LIPI: variants seen among roughly 807,000 people sequenced by gnomAD.
The protein encoded by LIPI is lipase member I.
A neutral mutation model predicts 50.6 loss-of-function variants in LIPI; 59 were observed. The observed-to-expected ratio is 1.16, with a 90% CI of 0.94 to 1.45. The LOEUF (loss-of-function observed/expected upper bound fraction) is 1.45. LIPI is among the 40% of genes most tolerant of loss of function. The pLI, the probability that LIPI is intolerant of heterozygous loss-of-function variation, is 0.00. For synonymous variants in LIPI, 203 were observed against 178.2 expected, an observed-to-expected ratio of 1.14 and a Z score of -1.11; for missense variants, 586 against 536.3, an observed-to-expected ratio of 1.09 and a Z score of -0.92.
chr21:14,124,893 G>A (rs2016997883), intron 9 of LIPI, among the ~76,000 whole-genome samples: 2 of 152,240 alleles, frequency 1.3e-5, no homozygotes, highest in South Asian at 4.2e-4. Context: ...TACTCAGGAC[G>A]CTGAGGCAGG....
At chr21:14,195,218 G>A (rs2019803784) in intron 1 of LIPI, among the ~76,000 whole-genome samples, 1 of 152,114 alleles carries the variant, frequency 6.6e-6, no homozygotes, top group Non-Finnish European at 1.5e-5. Context: ...AATCTGCATA[G>A]GGGTCTCTTA....
At chr21:14,186,293 T>C (rs2019454405) in intron 2 of LIPI, among the ~76,000 whole-genome samples, 2 of 152,206 alleles carry the variant, frequency 1.3e-5, no homozygotes, top group Non-Finnish European at 2.9e-5. Flanking sequence ...CAATTTATTT[T>C]AAAATTGTAT....
At chr21:14,138,013 T>C (rs2017567038) in intron 9 of LIPI, among the ~76,000 whole-genome samples, 1 of 152,108 alleles carries the variant, frequency 6.6e-6, no homozygotes, top group Non-Finnish European at 1.5e-5. Flanking sequence ...CCAGGGAAAG[T>C]ATTTTTCAAG....
chr21:14,161,912 A>G (rs1600879547), intron 7 of LIPI, among the ~76,000 whole-genome samples: 1 of 136,964 alleles, frequency 7.3e-6, no homozygotes, highest in East Asian at 2.2e-4. Context: ...TATATAACAT[A>G]TAGATATATG....
intron 9 of LIPI, among the ~76,000 whole-genome samples, chr21:14,123,301 T>C (rs987572421): frequency 2.6e-5 from 4 of 152,188 alleles, no homozygotes; most frequent in Non-Finnish European, 5.9e-5. Context: ...ACAATTCCTC[T>C]GTATCAGATT....
chr21:14,180,162 A>G (rs956929005), intron 4 of LIPI, among the ~76,000 whole-genome samples: 1 of 152,072 alleles, frequency 6.6e-6, no homozygotes, highest in East Asian at 1.9e-4. Flanking sequence ...TAGGGTGGGG[A>G]AAAGCTCCGC....
intron 1 of LIPI, among the ~76,000 whole-genome samples, chr21:14,207,740 G>A (rs1046426462): frequency 6.6e-5 from 10 of 152,188 alleles, no homozygotes; most frequent in South Asian, 2.1e-4. Flanking sequence ...AAGCACACAC[G>A]GAGAAGTTTT....
At position 14,157,781 on chromosome 21, in the gene LIPI, T is replaced by C. The variant is rs116632656; in HGVS notation, c.1007-5097A>G. On this transcript the variant is annotated intron_variant, in intron 7 of 9. Transcript: ENST00000681601. Reference sequence around the variant, plus strand: ...CCACAGAGAATTATTCCCAGGCCTTTAAATCAGATGGAGTTTGCCTGGCTG... The same window carrying C: ...CCACAGAGAATTATTCCCAGGCCTTCAAATCAGATGGAGTTTGCCTGGCTG... Among the ~76,000 whole-genome samples, 1,255 of 152,004 alleles carry C rather than the reference T, an allele frequency of 8.3e-3. 12 individuals carry two copies. Among genetic ancestry groups the C allele is most frequent in the African/African-American group, 0.028 (1,163 of 41,540 alleles).
At position 14,144,716 on chromosome 21, in the gene LIPI, C is replaced by G. The variant is rs2017838903; in HGVS notation, c.1202G>C (p.Gly401Ala). 1 of 1,569,212 alleles carries G rather than the reference C, an allele frequency of 6.4e-7. No individual in the cohort carries two copies. Among genetic ancestry groups the G allele is most frequent in the African/African-American group, 1.4e-5 (1 of 73,838 alleles). ...ATTTGAGCTCTGGAAATATGTCAAA[C>G]CAATGCTTGAAATATTTACAAAGTC... is the stretch of plus-strand genomic sequence containing the variant. ...YNDFVNISSI[G>A]LTYFQSSNLQ... The change falls in exon 9 of 10, where the codon GGT becomes GCT. Residue 401 changes from glycine to alanine, a missense_variant. Coordinates refer to ENST00000681601, the MANE Select transcript of LIPI (RefSeq NM_001302998.2).
intron 4 of LIPI, among the ~76,000 whole-genome samples, chr21:14,167,426 A>T (rs1600888148): frequency 6.6e-6 from 1 of 152,134 alleles, no homozygotes; most frequent in East Asian, 1.9e-4. Context: ...TGGGTCCCTG[A>T]CCCCCGACCT....
intron 2 of LIPI, among the ~76,000 whole-genome samples, chr21:14,188,621 C>T (rs970611724): frequency 6.7e-6 from 1 of 149,214 alleles, no homozygotes; most frequent in African/African-American, 2.5e-5. Context: ...AATTCACACT[C>T]GATTATATGC....
In LIPI at chr21:14,169,328, C is replaced by T. The variant is rs557513916; in HGVS notation, c.644-2877G>A. 4.3e-3 allele frequency among the ~76,000 whole-genome samples: 659 copies of T among 152,060 alleles called. 3 individuals are homozygous for T. Among genetic ancestry groups the T allele is most frequent in the Non-Finnish European group, 7.0e-3 (478 of 67,962 alleles). On this transcript the variant is annotated intron_variant, in intron 4 of 9. Coordinates refer to ENST00000681601, the MANE Select transcript of LIPI (RefSeq NM_001302998.2). Reference sequence around the variant, plus strand: ...ACGAGACAGAAAGTTAACAAGGATACCCAGGAATTGAACTCAGCTCTGCAC... The same window carrying T: ...ACGAGACAGAAAGTTAACAAGGATATCCAGGAATTGAACTCAGCTCTGCAC...
At chr21:14,136,223 G>T (rs930544914) in intron 9 of LIPI, among the ~76,000 whole-genome samples, 4 of 152,122 alleles carry the variant, frequency 2.6e-5, no homozygotes, top group African/African-American at 4.8e-5. Flanking sequence ...CTGGCTTCAG[G>T]GACAAAACTG....
intron 8 of LIPI, among the ~76,000 whole-genome samples, chr21:14,148,493 A>G (rs1476427052): frequency 6.6e-6 from 1 of 152,196 alleles, no homozygotes; most frequent in Non-Finnish European, 1.5e-5. Flanking sequence ...TAAAATTATG[A>G]CACTATATTT....
chr21:14,148,189 C>T (rs1019873999), intron 8 of LIPI, among the ~76,000 whole-genome samples: 4 of 151,974 alleles, frequency 2.6e-5, no homozygotes, highest in Non-Finnish European at 5.9e-5. Flanking sequence ...GGGGCATGTA[C>T]AAGAAGGAGG....
At chr21:14,131,108 A>G (rs1053484145) in intron 9 of LIPI, among the ~76,000 whole-genome samples, 4 of 151,778 alleles carry the variant, frequency 2.6e-5, no homozygotes, top group Non-Finnish European at 5.9e-5. Flanking sequence ...CTGCCACCAC[A>G]CCCGGCTAAT....
chr21:14,128,730 A>T (rs1331928608), intron 9 of LIPI, among the ~76,000 whole-genome samples: 1 of 152,112 alleles, frequency 6.6e-6, no homozygotes, highest in South Asian at 2.1e-4. Flanking sequence ...CCTTGCTTAC[A>T]TATTAGTTCT....
intron 1 of LIPI, among the ~76,000 whole-genome samples, chr21:14,190,757 A>C (rs1445809137): frequency 1.3e-5 from 2 of 152,212 alleles, no homozygotes; most frequent in Non-Finnish European, 2.9e-5. Context: ...ACACAATACA[A>C]TATGAATGCA....
At chr21:14,114,687 C>A (rs2016555327) in intron 9 of LIPI, among the ~76,000 whole-genome samples, 1 of 152,148 alleles carries the variant, frequency 6.6e-6, no homozygotes, top group African/African-American at 2.4e-5. Context: ...TCAGGACATG[C>A]CTGAGTCATG....
Sources: gnomAD v4.1 joint callset for allele counts (sites outside exome capture counted in the v4.1 genomes callset) on GRCh38, gnomAD v4.1.1 for gene constraint, MANE v1.5 for transcripts, NCBI Gene and HGNC (gene_info 2026-07-23, HGNC 2026-07-21) for gene names.